Variants in WDFY4 observed in about 807,000 individuals in gnomAD.
WDFY4 encodes the protein WD repeat- and FYVE domain-containing protein 4.
WDFY4 carries 169 observed loss-of-function variants against 351.9 expected under a neutral mutation model. That is an observed-to-expected ratio of 0.48 (90% CI 0.42 to 0.55). The LOEUF is 0.55. Among genes scored for constraint, WDFY4 ranks in the 20% least tolerant of loss-of-function variants. The pLI is 0.00. For missense variants in WDFY4, 3,803 were observed against 3,935.6 expected (o/e 0.97, Z 0.90); for synonymous variants, 1,622 against 1,574.6 (o/e 1.03, Z -0.71).
intron 55 of WDFY4, 42 bp downstream of exon 55, chr10:48,966,715 G>A: frequency 6.5e-7 from 1 of 1,534,170 alleles, no homozygotes; most frequent in Non-Finnish European, 8.8e-7. Context: ...CTGTCCCAGG[G>A]TTGTCCCTTC....
chr10:48,901,060 C>T (rs138423941), intron 46 of WDFY4, among the ~76,000 whole-genome samples: 1 of 152,260 alleles, frequency 6.6e-6, no homozygotes, highest in African/African-American at 2.4e-5. Flanking sequence ...GAAATTCAAG[C>T]CCTGCCTTCT....
chr10:48,947,615 T>C (rs1056141189), intron 51 of WDFY4, among the ~76,000 whole-genome samples: 5 of 152,214 alleles, frequency 3.3e-5, no homozygotes, highest in Admixed American at 3.3e-4. Context: ...GTTGCCAGGT[T>C]GGTGTCCAAG....
At chr10:48,816,178 G>T (rs181346612) in intron 31 of WDFY4, among the ~76,000 whole-genome samples, 1 of 152,168 alleles carries the variant, frequency 6.6e-6, no homozygotes. Context: ...GTCATTTTCT[G>T]TGTGATTGTT....
At chr10:48,822,354 C>T (rs1212499917) in intron 34 of WDFY4, 26 bp from the exon 35 acceptor site, 4 of 1,514,008 alleles carry the variant, frequency 2.6e-6, no homozygotes, top group Admixed American at 2.1e-5. Context: ...TAGACTCTCA[C>T]CTCCACCTGT....
At chr10:48,806,156 C>T in intron 27 of WDFY4, 61 bp downstream of exon 27, 1 of 1,496,382 alleles carries the variant, frequency 6.7e-7, no homozygotes, top group Non-Finnish European at 9.1e-7. Context: ...CCCTGAGAGG[C>T]CCACATTGTG....
At position 48,731,108 on chromosome 10, in the gene WDFY4, A is replaced by G. The variant is rs2064444797; in HGVS notation, c.1130-2A>G. On this transcript the variant is annotated splice_acceptor_variant, in intron 8 of 61. Transcript: ENST00000325239. LOFTEE classifies it high-confidence loss of function. ...TAAGATCATTCTTGTTTTCCTCCTC[A>G]GGGGTGACTGTTAAGAATCTTCAGG... is the stretch of plus-strand genomic sequence containing the variant. 6.5e-7 allele frequency: 1 copy of G among 1,534,518 alleles called. No individual in the cohort carries two copies.
rs375343310 is a variant in WDFY4, at chr10:48,966,645, G to T, written c.8556G>T (p.Ser2852=). 6.4e-7 allele frequency: 1 copy of T among 1,551,724 alleles called. No homozygotes were observed. The highest frequency in any genetic ancestry group is 1.2e-5 in the South Asian group (1 of 84,046). ...AGCCCTTTTTCTACAGCCTGCAGTC[G>T]CTGAGGCCCTCCCAGGTCACGGTCA... ...HPQPFFYSLQ[S]LRPSQVTVKD... The change falls in exon 55 of 62, where the codon TCG becomes TCT. Residue 2852 remains serine, a synonymous_variant. Coordinates refer to ENST00000325239, the MANE Select transcript of WDFY4 (RefSeq NM_001394531.1).
intron 20 of WDFY4, among the ~76,000 whole-genome samples, 195 bp from the exon 21 acceptor site, chr10:48,788,335 T>A (rs566418997): frequency 6.6e-6 from 1 of 152,282 alleles, no homozygotes; most frequent in African/African-American, 2.4e-5. Flanking sequence ...AGCCCACGGT[T>A]TTCTATAACT....
chr10:48,863,541 G>A (rs1031980114), intron 39 of WDFY4, among the ~76,000 whole-genome samples: 1 of 151,852 alleles, frequency 6.6e-6, no homozygotes, highest in Non-Finnish European at 1.5e-5. Flanking sequence ...TTTTTAAATT[G>A]GATTATTTTT....
At chr10:48,811,271 C>T (rs1055043587) in intron 29 of WDFY4, among the ~76,000 whole-genome samples, 2 of 152,206 alleles carry the variant, frequency 1.3e-5, no homozygotes, top group African/African-American at 4.8e-5. Context: ...AAACCCTACA[C>T]CCTTGTTGCC....
intron 50 of WDFY4, among the ~76,000 whole-genome samples, chr10:48,946,373 T>C (rs1373797903): frequency 6.6e-6 from 1 of 152,268 alleles, no homozygotes; most frequent in African/African-American, 2.4e-5. Flanking sequence ...GTCCGTGGTG[T>C]GGCACAGCCC....
At chr10:48,732,164 G>T (rs1033065637) in intron 9 of WDFY4, among the ~76,000 whole-genome samples, 1 of 152,180 alleles carries the variant, frequency 6.6e-6, no homozygotes, top group African/African-American at 2.4e-5. Flanking sequence ...TCTCATGAGG[G>T]TGCTTGGTGG....
Position 48,731,484 on chromosome 10 carries a change from G to A in WDFY4, c.1504G>A (p.Asp502Asn), listed in dbSNP as rs1187844222. Residue 502 changes from aspartate to asparagine, a missense_variant, in exon 9 of 62, where the codon GAC (aspartate) becomes AAC (asparagine). By Grantham distance (23) the Asp-to-Asn change is conservative. Coordinates refer to ENST00000325239, the MANE Select transcript of WDFY4 (RefSeq NM_001394531.1). Reference sequence around the variant, plus strand: ...CGCTGGTGGGGACCCCCTCTTCACCGACATCTTCCGGGACTCAGGGCTCCT... The same window carrying A: ...CGCTGGTGGGGACCCCCTCTTCACCAACATCTTCCGGGACTCAGGGCTCCT... Reference protein sequence around the residue: ...SIAGGDPLFTDIFRDSGLLGL... With the variant: ...SIAGGDPLFTNIFRDSGLLGL... The A allele has an allele frequency of 2.4e-5, 38 of 1,551,476 alleles. No individual in the cohort carries two copies. The highest frequency in any genetic ancestry group is 2.8e-5 in the Non-Finnish European group (32 of 1,146,996).
At chr10:48,776,485 G>A (rs1031006727) in intron 15 of WDFY4, among the ~76,000 whole-genome samples, 11 of 152,214 alleles carry the variant, frequency 7.2e-5, no homozygotes, top group African/African-American at 2.7e-4. Context: ...GCAGTAGAAT[G>A]TGCTATGCTG....
intron 24 of WDFY4, among the ~76,000 whole-genome samples, chr10:48,798,209 C>G (rs1213071149): frequency 2.0e-5 from 3 of 152,010 alleles, no homozygotes; most frequent in African/African-American, 7.2e-5. Context: ...AGATTCGGTT[C>G]AACGTCTAAC....
At chr10:48,885,244 A>C (rs2070407483) in intron 43 of WDFY4, among the ~76,000 whole-genome samples, 1 of 152,220 alleles carries the variant, frequency 6.6e-6, no homozygotes, top group South Asian at 2.1e-4. Flanking sequence ...GAATTTTATC[A>C]AGCTGTGCAG....
intron 47 of WDFY4, among the ~76,000 whole-genome samples, chr10:48,937,242 T>A (rs1017639298): frequency 3.3e-5 from 5 of 152,242 alleles, no homozygotes; most frequent in African/African-American, 1.2e-4. Flanking sequence ...GGCATAGTTG[T>A]ACCATAACAA....
Position 48,709,852 on chromosome 10 carries a change from C to A in WDFY4, c.120C>A (p.Pro40=). ...DVPHGGQSSS[P]TALWDMLERK... ...CACATGGAGGGCAGTCCTCCAGCCC[C>A]ACAGCTCTCTGGGACATGCTGGAAA... Residue 40 remains proline (P), a synonymous_variant, in exon 2 of 62, where the codon CCC becomes CCA. Coordinates refer to ENST00000325239, the MANE Select transcript of WDFY4 (RefSeq NM_001394531.1). The A allele has an allele frequency of 6.4e-7, 1 of 1,551,924 alleles. No homozygotes were observed.
At chr10:48,787,467 G>C (rs1236156904) in intron 20 of WDFY4, among the ~76,000 whole-genome samples, 1 of 152,218 alleles carries the variant, frequency 6.6e-6, no homozygotes, top group Non-Finnish European at 1.5e-5. Flanking sequence ...ACGAGGTCAG[G>C]TCTAGAGCCA....
Sources: allele counts gnomAD v4.1 joint callset (sites outside exome capture counted in the v4.1 genomes callset), GRCh38; gene constraint gnomAD v4.1.1; transcripts MANE v1.5; gene names NCBI Gene and HGNC (gene_info 2026-07-23, HGNC 2026-07-21).